The following ACSM2A variants were observed in gnomAD, a reference collection of about 807,000 sequenced individuals.
ACSM2A encodes the protein acyl-coenzyme A synthetase ACSM2A, mitochondrial.
A neutral mutation model predicts 76.6 loss-of-function variants in ACSM2A; 72 were observed. The observed-to-expected ratio is 0.94, with a 90% CI of 0.78 to 1.14. The LOEUF (loss-of-function observed/expected upper bound fraction) is 1.14. ACSM2A is among the 50% of genes most tolerant of loss of function. ACSM2A has a pLI of 0.00. For missense variants in ACSM2A, 684 were observed against 708.5 expected, an observed-to-expected ratio of 0.97 and a Z score of 0.39; for synonymous variants, 249 against 255.9, an observed-to-expected ratio of 0.97 and a Z score of 0.26.
chr16:20,475,837 A>G (rs1386140181), intron 8 of ACSM2A, 64 bp downstream of exon 8: 29 of 1,597,500 alleles, frequency 1.8e-5, no homozygotes, highest in South Asian at 2.2e-5. Flanking sequence ...TCTCTTTGAC[A>G]ATAAAAATTG....
At position 20,478,585 on chromosome 16, in the gene ACSM2A, G is replaced by C. The variant is rs750637232; in HGVS notation, c.1189G>C (p.Asp397His). ...ASCYDVQIID[D>H]KGNVLPPGTE... ...CTGCTTCTTTCTCCAGATCATAGATGATAAGGGCAACGTCCTGCCCCCCGG... is the reference window on the plus strand; with the variant it reads ...CTGCTTCTTTCTCCAGATCATAGATCATAAGGGCAACGTCCTGCCCCCCGG... Residue 397 changes from aspartate to histidine, a missense_variant, in exon 10 of 14, where the codon GAT becomes CAT. This residue lies in a region of ACSM2A where 519 missense variants were observed against 549.5 expected (regional missense o/e 0.94). Coordinates refer to ENST00000573854, the MANE Select transcript of ACSM2A (RefSeq NM_001308172.2). The C allele has an allele frequency of 1.2e-6, 2 of 1,613,514 alleles. No individual in the cohort carries two copies. Among genetic ancestry groups the C allele is most frequent in the African/African-American group, 2.7e-5 (2 of 74,908 alleles).
At chr16:20,462,115 A>T (rs1033410979) in intron 2 of ACSM2A, among the ~76,000 whole-genome samples, 2 of 152,190 alleles carry the variant, frequency 1.3e-5, no homozygotes, top group African/African-American at 4.8e-5. Flanking sequence ...AAATATCTCA[A>T]AGGTCAGTCT....
chr16:20,477,347 A>G (rs765013534), intron 8 of ACSM2A, 22 bp from the exon 9 acceptor site: 4 of 1,583,982 alleles, frequency 2.5e-6, no homozygotes, highest in East Asian at 2.2e-5. Context: ...AGGTTTGCTG[A>G]TCTGTCTGCT....
intron 3 of ACSM2A, among the ~76,000 whole-genome samples, chr16:20,468,276 A>T (rs2013138097): frequency 6.6e-6 from 1 of 152,246 alleles, no homozygotes; most frequent in Non-Finnish European, 1.5e-5. Flanking sequence ...GTGGGAAGAA[A>T]GTGAGCTAAG....
At chr16:20,474,263 C>T in intron 6 of ACSM2A, 1 of 246,412 alleles carries the variant, frequency 4.1e-6, no homozygotes, top group Middle Eastern at 1.6e-3. Flanking sequence ...ACTCAATCCC[C>T]AGTGTAACAG....
intron 3 of ACSM2A, among the ~76,000 whole-genome samples, chr16:20,467,707 A>G (rs1338714928): frequency 6.6e-6 from 1 of 152,168 alleles, no homozygotes; most frequent in Non-Finnish European, 1.5e-5. Context: ...TGTTAGGAAA[A>G]TATCACAAGT....
At chr16:20,454,253 G>T (rs1334944884) in intron 1 of ACSM2A, among the ~76,000 whole-genome samples, 1 of 148,696 alleles carries the variant, frequency 6.7e-6, no homozygotes, top group Non-Finnish European at 1.5e-5. Context: ...AAAATAGAAA[G>T]AACCTATGTT....
At chr16:20,482,038 G>A (rs1293152368) in intron 12 of ACSM2A, 2 of 137,836 alleles carry the variant, frequency 1.5e-5, no homozygotes, top group South Asian at 2.5e-4. Context: ...AAGAGGCTGC[G>A]GCAGGAGAAT....
rs1381470640 is a variant in ACSM2A, at chr16:20,460,278, C to T, written c.164C>T (p.Ala55Val). The T allele has an allele frequency of 1.2e-6, 2 of 1,613,478 alleles. No individual in the cohort carries two copies. The highest frequency in any genetic ancestry group is 2.2e-5 in the East Asian group (1 of 44,888). ...NFASDVLDHW[A>V]DMEKAGKRLP... is the part of the protein sequence containing the mutation. ...GCTAGTGATGTGTTGGATCACTGGG[C>T]TGACATGGAGAAGGTAATGGGGTGG... Residue 55 changes from alanine (A) to valine (V), a missense_variant, in exon 2 of 14, where the codon GCT becomes GTT. By Grantham distance (64) the Ala-to-Val change is moderately conservative. Transcript: ENST00000573854.
rs772091778 is a variant in ACSM2A at position 20,483,140 on chromosome 16, T to A, written c.1592T>A (p.Val531Glu). 1 of 1,614,074 alleles carries A rather than the reference T, an allele frequency of 6.2e-7. No individual in the cohort carries two copies. The part of the protein sequence containing the change: ...EQLTKELQQH[V>E]KSVTAPYKYP... ...CTCACCAAGGAGCTGCAGCAGCATG[T>A]GAAGTCAGTGACAGCCCCATACAAG... Residue 531 changes from valine to glutamate, a missense_variant, in exon 13 of 14, where the codon GTG becomes GAG. Coordinates refer to ENST00000573854, the MANE Select transcript of ACSM2A (RefSeq NM_001308172.2).
Position 20,486,828 on chromosome 16 carries a change from C to A in ACSM2A, c.*150C>A. ...CCTTGGTTATTAGCACAAAACTTTA[C>A]CATGTTAGATGTTGAAAGAAGAAAG... On this transcript the variant is annotated 3_prime_UTR_variant, in exon 14 of 14. Transcript: ENST00000573854. 2.2e-6 allele frequency: 2 copies of A among 923,912 alleles called. No individual in the cohort carries two copies. The highest frequency in any genetic ancestry group is 3.3e-6 in the Non-Finnish European group (2 of 604,106). 57.2% of individuals were successfully genotyped at this position (923,912 alleles called of 1,614,324 possible).
chr16:20,453,095 T>C (rs1319518041), intron 1 of ACSM2A: 1 of 151,976 alleles, frequency 6.6e-6, no homozygotes, highest in East Asian at 1.9e-4. Flanking sequence ...TAATCTCCTG[T>C]AGAGAAAGAA....
At chr16:20,471,802 TG>T in intron 6 of ACSM2A, 113 bp downstream of exon 6, 1 of 1,518,950 alleles carries the variant, frequency 6.6e-7, no homozygotes, top group Non-Finnish European at 8.9e-7. Flanking sequence ...CCCTGCCATG[TG>T]GTGAACAGTG....
chr16:20,456,418 TA>T (rs972305662), intron 1 of ACSM2A, among the ~76,000 whole-genome samples: 1 of 145,608 alleles, frequency 6.9e-6, no homozygotes, highest in Non-Finnish European at 1.5e-5. Context: ...CAAGTCTCAA[TA>T]AATCTGAGAA....
chr16:20,474,399 A>G (rs1389835607), intron 6 of ACSM2A, among the ~76,000 whole-genome samples: 3 of 152,018 alleles, frequency 2.0e-5, no homozygotes, highest in Non-Finnish European at 4.4e-5. Flanking sequence ...GTTTTGCTCT[A>G]CCTCGTGAGC....
intron 3 of ACSM2A, among the ~76,000 whole-genome samples, chr16:20,467,310 G>C (rs549758450): frequency 6.6e-6 from 1 of 152,082 alleles, no homozygotes; most frequent in African/African-American, 2.4e-5. Context: ...TTATCCAGTG[G>C]TGAATGGGAA....
chr16:20,461,408 A>T (rs1409931974), intron 2 of ACSM2A, among the ~76,000 whole-genome samples: 2 of 152,202 alleles, frequency 1.3e-5, no homozygotes, highest in Non-Finnish European at 2.9e-5. Flanking sequence ...CCCTTTAAAT[A>T]TTCAGGAAGG....
intron 1 of ACSM2A, among the ~76,000 whole-genome samples, chr16:20,456,799 G>T (rs1314102512): frequency 3.4e-5 from 5 of 148,076 alleles, no homozygotes; most frequent in Non-Finnish European, 5.9e-5. Context: ...AAATAACCAA[G>T]ATCAGAGCAG....
rs199633879 is a variant in ACSM2A, at chr16:20,475,414, G to A, written c.947G>A (p.Arg316Gln). The change falls in exon 7 of 14, where the codon CGG (arginine) becomes CAG (glutamine). Residue 316 changes from arginine to glutamine, a missense_variant. Coordinates refer to ENST00000573854, the MANE Select transcript of ACSM2A (RefSeq NM_001308172.2). Reference sequence around the variant, plus strand: ...ATGATGGGTGCCCCCATTGTTTACCGGATGTTGCTACAGCAGGATCTTTCC... The same window carrying A: ...ATGATGGGTGCCCCCATTGTTTACCAGATGTTGCTACAGCAGGATCTTTCC... ...KSMMGAPIVY[R>Q]MLLQQDLSSY... 5.6e-5 allele frequency: 90 copies of A among 1,613,632 alleles called. No homozygotes were observed. In the East Asian group the frequency reaches 7.1e-4, roughly 13 times the overall value.
Sources: allele counts gnomAD v4.1 joint callset (sites outside exome capture counted in the v4.1 genomes callset), GRCh38; gene constraint gnomAD v4.1.1; regional missense constraint gnomAD v4.1.1; transcripts MANE v1.5; gene names NCBI Gene and HGNC (gene_info 2026-07-23, HGNC 2026-07-21).